The following DHX30 variants were observed in gnomAD, a reference collection of about 807,000 sequenced individuals.
The protein encoded by DHX30 is DExH-box helicase 30.
DHX30 carries 4 observed loss-of-function variants against 116.9 expected under a neutral mutation model. The ratio of observed to expected loss-of-function variants is 0.03; its 90% CI spans 0.02 to 0.08. The LOEUF (loss-of-function observed/expected upper bound fraction) is 0.08. Ranked by LOEUF, DHX30 falls within the 10% of genes least tolerant of loss-of-function variation. DHX30 has a pLI of 1.00. For synonymous variants in DHX30, 697 were observed against 651.7 expected, an observed-to-expected ratio of 1.07 and a Z score of -1.06; for missense variants, 871 against 1,595.1, an observed-to-expected ratio of 0.55 and a Z score of 7.73.
At chr3:47,841,931 G>A in intron 8 of DHX30, 194 bp downstream of exon 8, 2 of 728,944 alleles carry the variant, frequency 2.7e-6, no homozygotes, top group South Asian at 3.5e-5. Flanking sequence ...GCAGCACAGG[G>A]AGTGGGCTTG....
At chr3:47,824,853 C>G in intron 4 of DHX30, 1 of 456,800 alleles carries the variant, frequency 2.2e-6, no homozygotes, top group Non-Finnish European at 3.8e-6. Context: ...TAGCCCTGGG[C>G]AGCGCCGAGC....
At chr3:47,840,286 C>T (rs1340149019) in intron 6 of DHX30, among the ~76,000 whole-genome samples, 2 of 151,516 alleles carry the variant, frequency 1.3e-5, no homozygotes, top group Non-Finnish European at 2.9e-5. Context: ...TGTGAGCCAC[C>T]GCACCCGGCC....
chr3:47,849,082 C>A lies in DHX30; in HGVS notation c.2929+3C>A. On this transcript the variant is annotated splice_donor_region_variant and intron_variant, in intron 18 of 21. Transcript: ENST00000445061. The stretch of plus-strand genomic sequence containing the variant: ...ACCCAGCCTGCGCTTCATCCACGGT[C>A]AGTCGGGCCCACACCTGCTCTCCTG... 2 of 1,608,822 alleles carry A rather than the reference C, an allele frequency of 1.2e-6. No homozygotes were observed. Among genetic ancestry groups the A allele is most frequent in the South Asian group, 2.2e-5 (2 of 90,682 alleles).
chr3:47,803,354 C>G (rs1380891455), intron 1 of DHX30, 142 bp downstream of exon 1: 2 of 376,102 alleles, frequency 5.3e-6, no homozygotes, highest in Non-Finnish European at 9.4e-6. Flanking sequence ...GCCCGAGGAG[C>G]AGGCCGGGCA....
chr3:47,814,826 TGTTA>T (rs1481444326), intron 3 of DHX30, among the ~76,000 whole-genome samples: 16 of 152,198 alleles, frequency 1.1e-4, no homozygotes, highest in South Asian at 4.1e-4. Flanking sequence ...GGCCGTTTTT[TGTTA>T]GTTAGTTTTG....
intron 7 of DHX30, 29 bp from the exon 8 acceptor site, chr3:47,841,588 T>A (rs750984722): frequency 1.2e-6 from 2 of 1,613,834 alleles, no homozygotes; most frequent in East Asian, 2.2e-5. Context: ...AAGAGAGAAT[T>A]CTTTCAGTTA....
intron 2 of DHX30, among the ~76,000 whole-genome samples, chr3:47,807,566 A>C (rs2035585907): frequency 6.6e-6 from 1 of 150,562 alleles, no homozygotes; most frequent in South Asian, 2.1e-4. Flanking sequence ...TTAGCCGTGC[A>C]TGGTGGCGTG....
intron 6 of DHX30, among the ~76,000 whole-genome samples, chr3:47,831,930 C>CT (rs147733795): frequency 0.012 from 1,580 of 127,460 alleles, 34 homozygotes; most frequent in African/African-American, 0.032. Flanking sequence ...TTTCCTTTTT[C>CT]TTTTTTTTTT....
At chr3:47,824,089 G>C (rs769660397) in intron 4 of DHX30, among the ~76,000 whole-genome samples, 1 of 135,452 alleles carries the variant, frequency 7.4e-6, no homozygotes, top group East Asian at 2.4e-4. Flanking sequence ...TGCAACCTCC[G>C]CCTCCTGGGT....
intron 5 of DHX30, 96 bp downstream of exon 5, chr3:47,827,573 GAATGGGTTTCCTGAATTAA>G: frequency 6.8e-7 from 1 of 1,475,198 alleles, no homozygotes; most frequent in Non-Finnish European, 9.1e-7. Flanking sequence ...GGAGGCCATA[GAATGGGTTTCCTGAATTAA>G]AATGGTCAGC....
At chr3:47,821,034 A>G (rs1218104090) in intron 4 of DHX30, among the ~76,000 whole-genome samples, 2 of 151,786 alleles carry the variant, frequency 1.3e-5, no homozygotes. Context: ...GCTCACTGCA[A>G]CCTCTGCCTC....
rs369329144 is a variant in DHX30, at chr3:47,823,047, T to G, written c.125-4300T>G. Among the ~76,000 whole-genome samples, 163 of 145,158 alleles carry G rather than the reference T, an allele frequency of 1.1e-3. 3 individuals are homozygous for G. In the South Asian group the frequency reaches 0.033, roughly 30 times the overall value. ...GGTGGAGCTTGCAGTGAGCCGAGATTGCACCACTGCACTCCAGCCTGGGCA... is the reference window on the plus strand; with the variant it reads ...GGTGGAGCTTGCAGTGAGCCGAGATGGCACCACTGCACTCCAGCCTGGGCA... On this transcript the variant is annotated intron_variant, in intron 4 of 21. Coordinates refer to ENST00000445061, the MANE Select transcript of DHX30 (RefSeq NM_138615.3).
chr3:47,826,589 G>T (rs973120406), intron 4 of DHX30, among the ~76,000 whole-genome samples: 23 of 152,094 alleles, frequency 1.5e-4, no homozygotes, highest in Admixed American at 1.5e-3. Flanking sequence ...GGGACTACAG[G>T]CGCCTGCCAC....
intron 1 of DHX30, among the ~76,000 whole-genome samples, chr3:47,803,423 G>A (rs150243978): frequency 0.012 from 1,892 of 152,210 alleles, 17 homozygotes; most frequent in Non-Finnish European, 0.02. Context: ...GCCTCGGCCT[G>A]CCGTTGCCAT....
chr3:47,828,792 G>A (rs1190141895), intron 5 of DHX30, among the ~76,000 whole-genome samples: 1 of 152,028 alleles, frequency 6.6e-6, no homozygotes, highest in Non-Finnish European at 1.5e-5. Context: ...GCACCTTGAA[G>A]GAGCAAAACA....
intron 6 of DHX30, among the ~76,000 whole-genome samples, chr3:47,835,770 T>C (rs1387411631): frequency 6.6e-6 from 1 of 152,256 alleles, no homozygotes; most frequent in Non-Finnish European, 1.5e-5. Flanking sequence ...ATATAAGATA[T>C]GTCATTTGTA....
At chr3:47,814,401 G>T (rs2035945931) in intron 3 of DHX30, among the ~76,000 whole-genome samples, 2 of 147,844 alleles carry the variant, frequency 1.4e-5, no homozygotes, top group Non-Finnish European at 3.0e-5. Context: ...CTCTAGCCTG[G>T]GTGACAGAGC....
At chr3:47,842,019 T>C (rs2037397620) in intron 8 of DHX30, 2 of 396,944 alleles carry the variant, frequency 5.0e-6, no homozygotes, top group Non-Finnish European at 9.1e-6. Flanking sequence ...GTGTGGGTCT[T>C]GGTGAGGTAT....
chr3:47,848,991 G>A lies in DHX30; in HGVS notation c.2841G>A (p.Glu947=). The part of the protein sequence containing the change: ...LAFVRAVAGW[E]EVLRWQDRSS... Reference sequence around the variant, plus strand: ...TTGTGCGGGCTGTCGCCGGCTGGGAGGAGGTGCTGCGTTGGCAGGACCGCA... The same window carrying A: ...TTGTGCGGGCTGTCGCCGGCTGGGAAGAGGTGCTGCGTTGGCAGGACCGCA... The change falls in exon 18 of 22, where the codon GAG becomes GAA. Residue 947 remains glutamate (E), a synonymous_variant. Coordinates refer to ENST00000445061, the MANE Select transcript of DHX30 (RefSeq NM_138615.3). The surrounding 1 kb of genome is among the most constrained non-coding windows in gnomAD (Gnocchi z 9.4). 6.2e-7 allele frequency: 1 copy of A among 1,613,606 alleles called. No individual in the cohort carries two copies. Among genetic ancestry groups the A allele is most frequent in the Non-Finnish European group, 8.5e-7 (1 of 1,179,814 alleles).
Sources: allele counts gnomAD v4.1 joint callset (sites outside exome capture counted in the v4.1 genomes callset), GRCh38; gene constraint gnomAD v4.1.1; non-coding constraint Gnocchi (gnomAD v3.1); transcripts MANE v1.5; gene names NCBI Gene and HGNC (gene_info 2026-07-23, HGNC 2026-07-21).